The following LPAR3 variants were observed in gnomAD, a reference collection of about 807,000 sequenced individuals.
The protein encoded by LPAR3 is LPA receptor 3.
In LPAR3, 7 loss-of-function variants were observed where a neutral mutation model predicts 17.8. That is an observed-to-expected ratio of 0.39 (90% CI 0.22 to 0.74). The LOEUF (loss-of-function observed/expected upper bound fraction) is 0.74. Among genes scored for constraint, LPAR3 ranks in the 30% least tolerant of loss-of-function variants. The pLI is 0.40. For missense variants in LPAR3, 391 were observed against 453.4 expected, an observed-to-expected ratio of 0.86 and a Z score of 1.25; for synonymous variants, 179 against 179.9, an observed-to-expected ratio of 0.99 and a Z score of 0.04.
chr1:84,847,128 G>T (rs976051460), intron 2 of LPAR3, among the ~76,000 whole-genome samples: 2 of 152,116 alleles, frequency 1.3e-5, no homozygotes, highest in Non-Finnish European at 2.9e-5. Context: ...ACTGAAGCTG[G>T]ATTCATCCTT....
At position 84,828,957 on chromosome 1, in the gene LPAR3, G is replaced by C. The variant is rs563284295; in HGVS notation, c.737-14786C>G. 4.7e-4 allele frequency among the ~76,000 whole-genome samples: 71 copies of C among 152,118 alleles called. 2 individuals are homozygous for C. In the South Asian group the frequency reaches 0.014, roughly 31 times the overall value. On this transcript the variant is annotated intron_variant, in intron 2 of 2. Coordinates refer to ENST00000370611, the MANE Select transcript of LPAR3 (RefSeq NM_012152.3). ...GAGCCAACGTTAGTGCTAATACTCA[G>C]GACACAGGTAAACAAGATGGACATG...
intron 2 of LPAR3, among the ~76,000 whole-genome samples, chr1:84,835,200 C>T (rs947231291): frequency 1.3e-5 from 2 of 152,174 alleles, no homozygotes; most frequent in Non-Finnish European, 2.9e-5. Flanking sequence ...CAGAATTGGC[C>T]TTAAGATGCA....
intron 1 of LPAR3, among the ~76,000 whole-genome samples, chr1:84,878,972 T>C (rs2102771200): frequency 6.6e-6 from 1 of 152,298 alleles, no homozygotes; most frequent in African/African-American, 2.4e-5. Context: ...GGACATAGCT[T>C]TGTGAATTCA....
intron 2 of LPAR3, among the ~76,000 whole-genome samples, chr1:84,847,024 C>CA (rs1017193518): frequency 2.8e-4 from 43 of 152,214 alleles, no homozygotes; most frequent in African/African-American, 1.0e-3. Flanking sequence ...CTGGGAATAT[C>CA]AGAGATTCCA....
chr1:84,891,384 G>C (rs1323125854), intron 1 of LPAR3, among the ~76,000 whole-genome samples: 2 of 152,226 alleles, frequency 1.3e-5, no homozygotes, highest in African/African-American at 4.8e-5. Flanking sequence ...GTTCCTTGCT[G>C]TCTCAAGGCA....
chr1:84,887,450 T>C (rs1660482855), intron 1 of LPAR3, among the ~76,000 whole-genome samples: 1 of 151,686 alleles, frequency 6.6e-6, no homozygotes, highest in Admixed American at 6.6e-5. Flanking sequence ...CATCAATAAA[T>C]GGTAGTTTCT....
At chr1:84,850,537 C>T (rs930974445) in intron 2 of LPAR3, among the ~76,000 whole-genome samples, 11 of 151,964 alleles carry the variant, frequency 7.2e-5, no homozygotes, top group Non-Finnish European at 1.0e-4. Flanking sequence ...TGCAGTGAGC[C>T]GAGATTGCAC....
chr1:84,839,482 T>G (rs1659468476), intron 2 of LPAR3, among the ~76,000 whole-genome samples: 1 of 152,114 alleles, frequency 6.6e-6, no homozygotes, highest in South Asian at 2.1e-4. Context: ...AAGACCAGCC[T>G]GGGAAACATA....
At chr1:84,876,499 A>G (rs755607777) in intron 1 of LPAR3, among the ~76,000 whole-genome samples, 31 of 152,014 alleles carry the variant, frequency 2.0e-4, no homozygotes, top group Non-Finnish European at 4.3e-4. Context: ...ACTATCAGGC[A>G]TCCCTCTATA....
intron 1 of LPAR3, among the ~76,000 whole-genome samples, chr1:84,876,116 T>C (rs1282946444): frequency 2.0e-5 from 3 of 152,110 alleles, no homozygotes; most frequent in Non-Finnish European, 2.9e-5. Context: ...CCAGAGGGGC[T>C]CCTCGAGAAT....
At position 84,840,920 on chromosome 1, in the gene LPAR3, C is replaced by A. The variant is rs188233387; in HGVS notation, c.736+24465G>T. Among the ~76,000 whole-genome samples the A allele has an allele frequency of 6.6e-5, 10 of 152,316 alleles. No homozygotes were observed. In the East Asian group the frequency reaches 1.9e-3, roughly 29 times the overall value. ...GAATAGAAACCCCATTTCCTGAAAA[C>A]AGTGGCCGGTTTTTACCAAAGAAGA... On this transcript the variant is annotated intron_variant, in intron 2 of 2. Transcript: ENST00000370611.
intron 2 of LPAR3, among the ~76,000 whole-genome samples, chr1:84,849,294 G>C (rs1369235909): frequency 7.1e-6 from 1 of 141,734 alleles, no homozygotes; most frequent in Non-Finnish European, 1.5e-5. Flanking sequence ...AGAATCGCTT[G>C]AACCTGGGAG....
chr1:84,847,590 G>T (rs1368787497), intron 2 of LPAR3, among the ~76,000 whole-genome samples: 1 of 152,190 alleles, frequency 6.6e-6, no homozygotes, highest in Non-Finnish European at 1.5e-5. Context: ...AGACCCCCCT[G>T]TCCTCAGCTG....
At position 84,865,872 on chromosome 1, in the gene LPAR3, A is replaced by G. The variant is rs199966677; in HGVS notation, c.249T>C (p.Tyr83=). Residue 83 remains tyrosine, a synonymous_variant, in exon 2 of 3, where the codon TAT becomes TAC. Transcript: ENST00000370611. ...GGCCTGTGTTAAACATCAGGAATAC[A>G]TAGGCAATTCCAGCGAAGAAATCGG... ...AAADFFAGIA[Y]VFLMFNTGPV... is the part of the protein sequence containing the mutation. 19 of 1,614,256 alleles carry G rather than the reference A, an allele frequency of 1.2e-5. 1 individual carries two copies. The African/African-American group carries it at 2.0e-4, about 17-fold the overall frequency.
chr1:84,849,673 A>G (rs1659665942), intron 2 of LPAR3, among the ~76,000 whole-genome samples: 2 of 152,176 alleles, frequency 1.3e-5, no homozygotes, highest in Non-Finnish European at 2.9e-5. Context: ...TCTGCCACGT[A>G]GCACCAGTGT....
intron 2 of LPAR3, among the ~76,000 whole-genome samples, chr1:84,841,294 C>T (rs553386764): frequency 6.6e-5 from 10 of 152,078 alleles, no homozygotes; most frequent in Admixed American, 2.6e-4. Flanking sequence ...CAAGGACAAC[C>T]GACGGCCCCT....
intron 1 of LPAR3, among the ~76,000 whole-genome samples, chr1:84,874,724 G>T (rs1044400715): frequency 6.6e-6 from 1 of 152,046 alleles, no homozygotes; most frequent in Admixed American, 6.5e-5. Flanking sequence ...AATACATCTT[G>T]TCCCTTGACT....
chr1:84,826,598 ATTAT>A (rs1659161258), intron 2 of LPAR3, among the ~76,000 whole-genome samples: 1 of 146,976 alleles, frequency 6.8e-6, no homozygotes, highest in South Asian at 2.2e-4. Flanking sequence ...AAAGATGTTT[ATTAT>A]TTATTGTTTT....
At chr1:84,827,825 T>C (rs1659192463) in intron 2 of LPAR3, among the ~76,000 whole-genome samples, 1 of 151,946 alleles carries the variant, frequency 6.6e-6, no homozygotes, top group Non-Finnish European at 1.5e-5. Context: ...CTACCATGGG[T>C]GTAGGTGCTA....
Sources: gnomAD v4.1 joint callset for allele counts (sites outside exome capture counted in the v4.1 genomes callset) on GRCh38, gnomAD v4.1.1 for gene constraint, MANE v1.5 for transcripts, NCBI Gene and HGNC (gene_info 2026-07-23, HGNC 2026-07-21) for gene names.